Variants in CROCC2 observed in about 807,000 individuals in gnomAD.
CROCC2 encodes the protein ciliary rootlet coiled-coil protein 2.
Under a neutral mutation model 177.6 loss-of-function variants are expected in CROCC2, and 163 were observed. The ratio of observed to expected loss-of-function variants is 0.92; its 90% CI spans 0.81 to 1.05. The LOEUF (loss-of-function observed/expected upper bound fraction) is 1.05. Ranked by LOEUF, CROCC2 falls within the 50% of genes least tolerant of loss-of-function variation. CROCC2 has a pLI of 0.00. For missense variants in CROCC2, 1,929 were observed against 1,797.8 expected, an observed-to-expected ratio of 1.07 and a Z score of -1.32; for synonymous variants, 904 against 787.3, an observed-to-expected ratio of 1.15 and a Z score of -2.48.
rs1225010703 is a variant in CROCC2 at position 240,920,118 on chromosome 2, G to A, written c.365G>A (p.Arg122His). Residue 122 changes from arginine (R) to histidine (H), a missense_variant, in exon 3 of 32, where the codon CGT becomes CAT. Physicochemically the swap from Arg to His is conservative, Grantham distance 29 (BLOSUM62 0). This residue lies in a region of CROCC2 where 1,397 missense variants were observed against 1,239.9 expected (regional missense o/e 1.13). Transcript: ENST00000690015. ...AERDELASRC[R>H]VVSEQLQARL... ...CGAGATGAGCTGGCCAGCAGGTGCC[G>A]TGTGGTCAGCGAGCAGGTGCGTGTG... The A allele has an allele frequency of 3.3e-5, 23 of 696,300 alleles. No homozygotes were observed. Among genetic ancestry groups the A allele is most frequent in the Middle Eastern group, 6.5e-4 (2 of 3,096 alleles). 43.1% of individuals were successfully genotyped at this position (696,300 alleles called of 1,614,324 possible). A position where few individuals can be genotyped will look rare whatever the true frequency, so the allele number is the denominator to read the frequency against.
At chr2:240,961,762 TCTCA>T (rs1422465323) in intron 20 of CROCC2, among the ~76,000 whole-genome samples, 1 of 97,338 alleles carries the variant, frequency 1.0e-5, no homozygotes, top group African/African-American at 4.3e-5. Context: ...CTGCACTGGC[TCTCA>T]CACACACACA....
chr2:240,911,814 G>T (rs1017796080), intron 1 of CROCC2, among the ~76,000 whole-genome samples: 1 of 152,090 alleles, frequency 6.6e-6, no homozygotes, highest in Non-Finnish European at 1.5e-5. Context: ...TGTAGCAGGC[G>T]CCAGCATTTC....
chr2:240,981,631 A>C (rs1478370065), intron 27 of CROCC2: 3 of 152,234 alleles, frequency 2.0e-5, no homozygotes, highest in Admixed American at 1.3e-4. Context: ...CTGCTTTTCT[A>C]CTGGAAAATT....
intron 1 of CROCC2, among the ~76,000 whole-genome samples, chr2:240,906,930 C>T (rs7424795): frequency 0.38 from 29,949 of 79,326 alleles, 3,076 homozygotes; most frequent in Admixed American, 0.43. Context: ...GCTGTGGATG[C>T]TCAGGTGGCC....
intron 1 of CROCC2, among the ~76,000 whole-genome samples, chr2:240,914,810 T>C (rs916876337): frequency 1.1e-4 from 17 of 152,120 alleles, no homozygotes; most frequent in Admixed American, 6.5e-5. Flanking sequence ...TGAGGGCTGG[T>C]GGGGCCAGTG....
chr2:240,923,467 CCAGCCCCCCA>C (rs2059370913), intron 4 of CROCC2, among the ~76,000 whole-genome samples: 1 of 129,550 alleles, frequency 7.7e-6, no homozygotes, highest in East Asian at 2.9e-4. Flanking sequence ...CCACACTAAC[CCAGCCCCCCA>C]CACTAACCCA....
At chr2:240,962,051 C>A (rs1353518557) in intron 20 of CROCC2, among the ~76,000 whole-genome samples, 1 of 146,194 alleles carries the variant, frequency 6.8e-6, no homozygotes, top group Non-Finnish European at 1.5e-5. Context: ...CGCGCACACA[C>A]ATACACTCAC....
At position 240,925,823 on chromosome 2, in the gene CROCC2, G is replaced by C. The variant is rs142405642; in HGVS notation, c.588G>C (p.Thr196=). ...TGGGCCGGGAGCTGGCCGGGATGAC[G>C]GGCAGCGTGCAGCGCCTGCAGGGCG... ...DALGRELAGM[T]GSVQRLQGEL... Residue 196 remains threonine, a synonymous_variant, in exon 5 of 32, where the codon ACG becomes ACC. Coordinates refer to ENST00000690015, the MANE Select transcript of CROCC2 (RefSeq NM_001351305.2). The C allele has an allele frequency of 1.1e-5, 8 of 716,476 alleles. No individual in the cohort carries two copies. The highest frequency in any genetic ancestry group is 3.0e-5 in the South Asian group (2 of 67,574). The allele number at this position is 716,476 out of a possible 1,614,324, so 44.4% of individuals were successfully genotyped here. A position where few individuals can be genotyped will look rare whatever the true frequency, so the allele number is the denominator to read the frequency against.
chr2:240,992,397 G>A (rs2059885458), intron 31 of CROCC2, among the ~76,000 whole-genome samples: 1 of 152,224 alleles, frequency 6.6e-6, no homozygotes. Context: ...GTGCAACAGT[G>A]TCTATTTCAA....
intron 14 of CROCC2, among the ~76,000 whole-genome samples, chr2:240,936,140 C>A (rs1278963183): frequency 1.2e-4 from 18 of 152,202 alleles, no homozygotes; most frequent in Admixed American, 1.2e-3. Flanking sequence ...GACAGCTCAA[C>A]CCTCCTTCCG....
rs540387761 is a variant in CROCC2 at position 240,963,680 on chromosome 2, C to A, written c.3212C>A (p.Ala1071Glu). ...AGGGAGGCCCAGGAGGCCCGCCGGG[C>A]GCTGAGTGACGAGGCCCGCGAGAAG... ...LHREAQEARRALSDEAREKDV... is the reference protein window; with the variant it reads ...LHREAQEARRELSDEAREKDV... Residue 1071 changes from alanine to glutamate, a missense_variant, in exon 21 of 32, where the codon GCG (alanine) becomes GAG (glutamate). By Grantham distance (107) the Ala-to-Glu change is moderately radical. This residue lies in a region of CROCC2 where 1,397 missense variants were observed against 1,239.9 expected (regional missense o/e 1.13). Transcript: ENST00000690015. The A allele has an allele frequency of 8.6e-5, 133 of 1,550,172 alleles. No homozygotes were observed. The African/African-American group carries it at 1.7e-3, about 19-fold the overall frequency.
Position 240,963,709 on chromosome 2 carries a change from G to T in CROCC2, c.3241G>T (p.Val1081Leu). The T allele has an allele frequency of 6.5e-7, 1 of 1,550,320 alleles. No homozygotes were observed. The highest frequency in any genetic ancestry group is 1.2e-5 in the South Asian group (1 of 84,056). The change falls in exon 21 of 32, where the codon GTA becomes TTA. Residue 1081 changes from valine (V) to leucine (L), a missense_variant. Physicochemically the swap from Val to Leu is conservative, Grantham distance 32. This residue lies in a region of CROCC2 where 1,397 missense variants were observed against 1,239.9 expected (regional missense o/e 1.13). Transcript: ENST00000690015. Reference protein sequence around the residue: ...ALSDEAREKDVLLLFNSELRA... With the variant: ...ALSDEAREKDLLLLFNSELRA... ...GAGTGACGAGGCCCGCGAGAAGGACGTACTGTTGCTTTTCAACAGCGAGCT... is the reference window on the plus strand; with the variant it reads ...GAGTGACGAGGCCCGCGAGAAGGACTTACTGTTGCTTTTCAACAGCGAGCT...
Position 240,982,729 on chromosome 2 carries a change from T to A in CROCC2, c.4402-151T>A. 1.6e-6 allele frequency: 1 copy of A among 642,198 alleles called. No individual in the cohort carries two copies. The highest frequency in any genetic ancestry group is 2.1e-5 in the South Asian group (1 of 48,426). The allele number at this position is 642,198 out of a possible 1,614,324, so 39.8% of individuals were successfully genotyped here. A position where few individuals can be genotyped will look rare whatever the true frequency, so the allele number is the denominator to read the frequency against. On this transcript the variant is annotated intron_variant, in intron 27 of 31. Coordinates refer to ENST00000690015, the MANE Select transcript of CROCC2 (RefSeq NM_001351305.2). The surrounding 1 kb of genome is among the most constrained non-coding windows in gnomAD (Gnocchi z 4.7). ...AACACAATCACCTGATCAACGCACT[T>A]CAGGTTGTCCTTAACCACGTTCTTG...
Position 240,932,830 on chromosome 2 carries a change from C to G in CROCC2, c.1173C>G (p.His391Gln). 1 of 1,543,734 alleles carries G rather than the reference C, an allele frequency of 6.5e-7. No individual in the cohort carries two copies. ...TSPHQGASPP[H>Q]ICSPATLDPA... is the part of the protein sequence containing the mutation. ...CCCATCAAGGGGCGTCCCCACCACA[C>G]ATCTGCTCCCCAGCCACCCTGGACC... Residue 391 changes from histidine to glutamine, a missense_variant, in exon 9 of 32, where the codon CAC becomes CAG. His to Gln is a conservative substitution (Grantham distance 24, BLOSUM62 0). Transcript: ENST00000690015.
intron 19 of CROCC2, 60 bp downstream of exon 19, chr2:240,956,032 G>A: frequency 7.8e-7 from 1 of 1,274,976 alleles, no homozygotes; most frequent in Non-Finnish European, 1.1e-6. Flanking sequence ...GACCCCAGGG[G>A]GCCACCCCTC....
intron 5 of CROCC2, 131 bp downstream of exon 5, chr2:240,926,011 C>A: frequency 1.7e-6 from 1 of 594,382 alleles, no homozygotes; most frequent in South Asian, 2.0e-5. Flanking sequence ...GCCACAGCTT[C>A]TTGCCACACC....
At chr2:240,967,571 C>G in intron 26 of CROCC2, 106 bp downstream of exon 26, 1 of 1,500,768 alleles carries the variant, frequency 6.7e-7, no homozygotes, top group Non-Finnish European at 9.0e-7. Flanking sequence ...TGGGGCAGCT[C>G]GGTGGGAAGG....
chr2:240,980,074 G>T (rs1353162393), intron 27 of CROCC2, among the ~76,000 whole-genome samples: 1 of 66,078 alleles, frequency 1.5e-5, no homozygotes, highest in Non-Finnish European at 3.0e-5. Flanking sequence ...AGTCTCTGGG[G>T]TAGGAGCCTC....
Position 240,960,971 on chromosome 2 carries a change from C to T in CROCC2, c.3087+1527C>T, listed in dbSNP as rs1397273685. On this transcript the variant is annotated intron_variant, in intron 20 of 31. Coordinates refer to ENST00000690015, the MANE Select transcript of CROCC2 (RefSeq NM_001351305.2). This position sits in a 1 kb window ranked among gnomAD's most constrained non-coding sequence, Gnocchi z 5.0. ...GGTGGGGGTGCATTGGTTCTGCTGG[C>T]CTCAAGGAAGGGAGTGCAGGCCTCA... Among the ~76,000 whole-genome samples the T allele has an allele frequency of 6.6e-6, 1 of 151,618 alleles. No homozygotes were observed. The highest frequency in any genetic ancestry group is 1.5e-5 in the Non-Finnish European group (1 of 67,936).
Sources: allele counts gnomAD v4.1 joint callset (sites outside exome capture counted in the v4.1 genomes callset), GRCh38; gene constraint gnomAD v4.1.1; regional missense constraint gnomAD v4.1.1; non-coding constraint Gnocchi (gnomAD v3.1); transcripts MANE v1.5; gene names NCBI Gene and HGNC (gene_info 2026-07-23, HGNC 2026-07-21).